Variants in EXT1 observed in about 807,000 individuals in gnomAD.
EXT1 encodes exostosin glycosyltransferase 1.
Under a neutral mutation model 82.5 loss-of-function variants are expected in EXT1, and 20 were observed. The observed-to-expected ratio is 0.24, with a 90% CI of 0.17 to 0.35. The LOEUF (loss-of-function observed/expected upper bound fraction) is 0.35, where lower values mean the gene tolerates loss of function less well. Among genes scored for constraint, EXT1 ranks in the 10% least tolerant of loss-of-function variants. The pLI is 1.00. For missense variants in EXT1, 757 were observed against 936.5 expected (o/e 0.81, Z 2.50); for synonymous variants, 348 against 350.8 (o/e 0.99, Z 0.09).
At chr8:117,819,536 G>T in intron 6 of EXT1, 140 bp downstream of exon 6, 1 of 780,600 alleles carries the variant, frequency 1.3e-6, no homozygotes, top group Non-Finnish European at 2.3e-6. Context: ...GAGGCAGGAT[G>T]AATGAAAGGG....
chr8:117,809,634 C>CA lies in EXT1; in HGVS notation c.1723-2258dup, dbSNP rs35543306. Among the ~76,000 whole-genome samples the CA allele has an allele frequency of 3.7e-4, 50 of 133,730 alleles. 1 individual carries two copies. Among genetic ancestry groups the CA allele is most frequent in the South Asian group, 4.8e-4 (2 of 4,132 alleles). 87.7% of individuals were successfully genotyped at this position (133,730 alleles called of 152,430 possible). ...CGTGGGCGGCAGAGTGAGACTCCGT[C>CA]AAAAAAAAAAAAAAAATCCAGAGCG... On this transcript the variant is annotated intron_variant, in intron 8 of 10. Transcript: ENST00000378204.
At chr8:117,990,972 T>G (rs1351962129) in intron 1 of EXT1, among the ~76,000 whole-genome samples, 2 of 152,168 alleles carry the variant, frequency 1.3e-5, no homozygotes, top group African/African-American at 4.8e-5. Context: ...CTAATCTTCG[T>G]ACCAACCATG....
At chr8:117,862,685 A>G (rs1196009110) in intron 1 of EXT1, among the ~76,000 whole-genome samples, 2 of 145,650 alleles carry the variant, frequency 1.4e-5, no homozygotes, top group Non-Finnish European at 3.1e-5. Context: ...CTGACACTGA[A>G]GTCCTGCAAA....
At chr8:117,875,451 A>C (rs906564272) in intron 1 of EXT1, among the ~76,000 whole-genome samples, 1 of 150,534 alleles carries the variant, frequency 6.6e-6, no homozygotes, top group Non-Finnish European at 1.5e-5. Flanking sequence ...TAAATAAATA[A>C]ATAAATAAAT....
intron 1 of EXT1, among the ~76,000 whole-genome samples, chr8:118,023,570 C>T (rs545750878): frequency 2.6e-5 from 4 of 152,290 alleles, no homozygotes; most frequent in African/African-American, 9.6e-5. Flanking sequence ...ATGTAGTCAT[C>T]ATAAACTAAA....
chr8:117,958,928 T>A (rs1320152936), intron 1 of EXT1, among the ~76,000 whole-genome samples: 1 of 152,206 alleles, frequency 6.6e-6, no homozygotes, highest in African/African-American at 2.4e-5. Context: ...TTACTCCACA[T>A]GCAAAATCTC....
chr8:117,947,864 G>A (rs1289243010), intron 1 of EXT1, among the ~76,000 whole-genome samples: 1 of 152,108 alleles, frequency 6.6e-6, no homozygotes, highest in Non-Finnish European at 1.5e-5. Flanking sequence ...TACTGGGAAG[G>A]CAGGCATTAT....
chr8:117,990,780 G>T (rs528673589), intron 1 of EXT1, among the ~76,000 whole-genome samples: 10 of 152,254 alleles, frequency 6.6e-5, no homozygotes, highest in Non-Finnish European at 1.2e-4. Context: ...AGTTTGCATC[G>T]TTCTAGGCAC....
intron 1 of EXT1, among the ~76,000 whole-genome samples, chr8:118,108,474 T>A (rs1817836577): frequency 1.3e-5 from 2 of 152,254 alleles, no homozygotes; most frequent in South Asian, 4.1e-4. Context: ...AAATGTCGTA[T>A]AAACAAAGCA....
chr8:117,863,656 G>A (rs1812724782), intron 1 of EXT1, among the ~76,000 whole-genome samples: 1 of 152,106 alleles, frequency 6.6e-6, no homozygotes, highest in African/African-American at 2.4e-5. Flanking sequence ...CAGTAAATCA[G>A]CGCACTAGAT....
intron 1 of EXT1, among the ~76,000 whole-genome samples, chr8:117,876,554 T>C (rs1193222039): frequency 6.6e-6 from 1 of 152,242 alleles, no homozygotes; most frequent in South Asian, 2.1e-4. Context: ...TTGGGTTATT[T>C]ACTATTTTGA....
At chr8:117,883,653 A>G (rs1273112053) in intron 1 of EXT1, among the ~76,000 whole-genome samples, 1 of 152,196 alleles carries the variant, frequency 6.6e-6, no homozygotes, top group South Asian at 2.1e-4. Context: ...GACAAACCCA[A>G]ACTAGAGCTA....
intron 1 of EXT1, among the ~76,000 whole-genome samples, chr8:118,012,468 A>G (rs192605709): frequency 2.2e-4 from 33 of 152,344 alleles, no homozygotes; most frequent in African/African-American, 7.9e-4. Flanking sequence ...TCCCCAAGCC[A>G]AAGAGCAGAT....
intron 1 of EXT1, among the ~76,000 whole-genome samples, chr8:117,898,635 G>T (rs1370717371): frequency 6.6e-6 from 1 of 152,106 alleles, no homozygotes; most frequent in Non-Finnish European, 1.5e-5. Context: ...TCCCATGAAG[G>T]TTTTTAAGTT....
At chr8:118,072,669 AT>A (rs1817117439) in intron 1 of EXT1, among the ~76,000 whole-genome samples, 1 of 152,130 alleles carries the variant, frequency 6.6e-6, no homozygotes, top group Admixed American at 6.6e-5. Context: ...CTGGCTGCAC[AT>A]TTTTTCTGTT....
At position 118,109,798 on chromosome 8, in the gene EXT1, T is replaced by C. The variant is rs3757991; in HGVS notation, c.962+287A>G. Among the ~76,000 whole-genome samples the C allele has an allele frequency of 0.53, 80,207 of 151,866 alleles. 23,147 individuals carry two copies. Among genetic ancestry groups the C allele is most frequent in the Middle Eastern group, 0.67 (198 of 294 alleles). ...CTAAACTTGGATCTAACCCCGACTC[T>C]TAACAGGAGACACGCCGCCCTGCAG... On this transcript the variant is annotated intron_variant, in intron 1 of 10. Transcript: ENST00000378204.
chr8:118,063,671 C>T (rs930402425), intron 1 of EXT1, among the ~76,000 whole-genome samples: 22 of 152,178 alleles, frequency 1.4e-4, no homozygotes, highest in Non-Finnish European at 2.5e-4. Context: ...AACACTGCTG[C>T]GATATTAGCT....
intron 1 of EXT1, among the ~76,000 whole-genome samples, chr8:117,900,000 T>A (rs1460293128): frequency 5.3e-5 from 8 of 152,202 alleles, no homozygotes; most frequent in Non-Finnish European, 1.0e-4. Context: ...TCCCATCACA[T>A]GCCAGGTGTT....
chr8:118,027,345 AC>A (rs1816221252), intron 1 of EXT1, among the ~76,000 whole-genome samples: 2 of 149,924 alleles, frequency 1.3e-5, no homozygotes, highest in South Asian at 2.1e-4. Context: ...ACACACACAC[AC>A]ACACACACAA....
Sources: allele counts gnomAD v4.1 joint callset (sites outside exome capture counted in the v4.1 genomes callset), GRCh38; gene constraint gnomAD v4.1.1; transcripts MANE v1.5; gene names NCBI Gene and HGNC (gene_info 2026-07-23, HGNC 2026-07-21).